Variants in DYNLRB1 observed in about 807,000 individuals in gnomAD.
The protein encoded by DYNLRB1 is ROBL/LC7-like 1.
A neutral mutation model predicts 13.5 loss-of-function variants in DYNLRB1; 6 were observed. The ratio of observed to expected loss-of-function variants is 0.44; its 90% CI spans 0.24 to 0.88. DYNLRB1 has a LOEUF of 0.88. DYNLRB1 is among the 40% of genes least tolerant of loss of function. DYNLRB1 has a pLI of 0.21. For synonymous variants in DYNLRB1, 43 were observed against 45.0 expected (o/e 0.96, Z 0.18); for missense variants, 93 against 127.2 (o/e 0.73, Z 1.29).
At chr20:34,516,866 A>C in intron 1 of DYNLRB1, 1 of 1,531,768 alleles carries the variant, frequency 6.5e-7, no homozygotes, top group South Asian at 1.2e-5. Context: ...GCCTCCTCCC[A>C]GCTCTGTGAG....
chr20:34,530,289 G>C, intron 2 of DYNLRB1: 1 of 1,010,076 alleles, frequency 9.9e-7, no homozygotes, highest in East Asian at 9.1e-5. Context: ...AGCTGAGAAC[G>C]TGGAATGCAG....
intron 2 of DYNLRB1, chr20:34,530,137 G>A: frequency 8.2e-7 from 1 of 1,225,218 alleles, no homozygotes; most frequent in Admixed American, 4.2e-5. Flanking sequence ...GCTTCCACAT[G>A]AACTCACAAA....
intron 1 of DYNLRB1, among the ~76,000 whole-genome samples, chr20:34,519,871 C>T (rs546470623): frequency 1.3e-5 from 2 of 152,220 alleles, no homozygotes; most frequent in East Asian, 3.9e-4. Flanking sequence ...CAATGGCTGA[C>T]GCATATAATC....
At chr20:34,536,411 G>A (rs754404467) in intron 3 of DYNLRB1, 32 of 985,244 alleles carry the variant, frequency 3.2e-5, no homozygotes, top group Non-Finnish European at 3.9e-5. Context: ...CTCCCAGGTT[G>A]TCATGTTGTG....
chr20:34,535,729 G>C lies in DYNLRB1; in HGVS notation c.247+934G>C, dbSNP rs1981093012. On this transcript the variant is annotated intron_variant, in intron 3 of 3. Coordinates refer to ENST00000357156, the MANE Select transcript of DYNLRB1 (RefSeq NM_014183.4). ...TTATCTAGGGCATCAGGATGTGAGT[G>C]GGGAGGAGTGGGAGGTGAGGCTTTG... 5.1e-6 allele frequency: 5 copies of C among 985,292 alleles called. No homozygotes were observed. The South Asian group carries it at 1.9e-4, about 37-fold the overall frequency. 61.0% of individuals were successfully genotyped at this position (985,292 alleles called of 1,614,324 possible). A position where few individuals can be genotyped will look rare whatever the true frequency, so the allele number is the denominator to read the frequency against.
intron 1 of DYNLRB1, among the ~76,000 whole-genome samples, chr20:34,522,456 CTTTT>C (rs1026721523): frequency 1.7e-5 from 2 of 114,656 alleles, no homozygotes; most frequent in African/African-American, 3.2e-5. Context: ...TTCTTTCTTT[CTTTT>C]TTCTTTTTCT....
chr20:34,530,367 C>A, intron 2 of DYNLRB1: 1 of 821,354 alleles, frequency 1.2e-6, no homozygotes, highest in Non-Finnish European at 1.5e-6. Context: ...TGGGCATAAG[C>A]CACTTTCTCT....
At chr20:34,526,445 C>A in intron 2 of DYNLRB1, 102 bp downstream of exon 2, 93 of 828,400 alleles carry the variant, frequency 1.1e-4, no homozygotes, top group Middle Eastern at 2.7e-4. Context: ...TGAATCTGAT[C>A]TAATTTTAGG....
intron 3 of DYNLRB1, chr20:34,535,491 C>T (rs1365318856): frequency 1.3e-6 from 1 of 750,506 alleles, no homozygotes; most frequent in Admixed American, 6.3e-5. Context: ...GGGAGGAGCC[C>T]ACAAGGATGG....
At chr20:34,531,623 A>T (rs1980719845) in intron 2 of DYNLRB1, among the ~76,000 whole-genome samples, 1 of 152,262 alleles carries the variant, frequency 6.6e-6, no homozygotes, top group Non-Finnish European at 1.5e-5. Context: ...TAGTAAAAGT[A>T]GACCCTTTGA....
At chr20:34,527,248 G>A (rs1197368960) in intron 2 of DYNLRB1, among the ~76,000 whole-genome samples, 2 of 152,180 alleles carry the variant, frequency 1.3e-5, no homozygotes, top group African/African-American at 2.4e-5. Flanking sequence ...AGACCCTCAC[G>A]CTCCAGGCAG....
At chr20:34,540,462 T>G in intron 3 of DYNLRB1, 119 bp from the exon 4 acceptor site, 1 of 935,312 alleles carries the variant, frequency 1.1e-6, no homozygotes, top group Non-Finnish European at 1.6e-6. Context: ...GTTGATGCTT[T>G]TTGTTGCTTT....
At chr20:34,528,563 GC>G (rs1337081903) in intron 2 of DYNLRB1, among the ~76,000 whole-genome samples, 2 of 152,120 alleles carry the variant, frequency 1.3e-5, no homozygotes, top group African/African-American at 2.4e-5. Context: ...GTTGCCATCA[GC>G]CCCTTTGATT....
intron 2 of DYNLRB1, among the ~76,000 whole-genome samples, chr20:34,531,522 G>A (rs897412463): frequency 6.6e-6 from 1 of 152,170 alleles, no homozygotes; most frequent in Non-Finnish European, 1.5e-5. Context: ...TTTTTGGAGT[G>A]AGCCAGTAGA....
In DYNLRB1 at chr20:34,540,691, T is replaced by C; in HGVS notation, c.*67T>C. 6.5e-7 allele frequency: 1 copy of C among 1,532,870 alleles called. No individual in the cohort carries two copies. Among genetic ancestry groups the C allele is most frequent in the Non-Finnish European group, 9.0e-7 (1 of 1,109,002 alleles). The allele number at this position is 1,532,870 out of a possible 1,614,324, so 95.0% of individuals were successfully genotyped here. Reference sequence around the variant, plus strand: ...CCCCCAAGAATGTTAATGTCAATCATGTCAGTGGACTAGCACATGGCAGTC... The same window carrying C: ...CCCCCAAGAATGTTAATGTCAATCACGTCAGTGGACTAGCACATGGCAGTC... On this transcript the variant is annotated 3_prime_UTR_variant, in exon 4 of 4. Coordinates refer to ENST00000357156, the MANE Select transcript of DYNLRB1 (RefSeq NM_014183.4).
Position 34,526,253 on chromosome 20 carries a change from C to A in DYNLRB1, c.4-15C>A, listed in dbSNP as rs1416773933. 8 of 1,613,878 alleles carry A rather than the reference C, an allele frequency of 5.0e-6. No homozygotes were observed. The highest frequency in any genetic ancestry group is 5.9e-6 in the Non-Finnish European group (7 of 1,179,954). The stretch of plus-strand genomic sequence containing the variant: ...CCTATCGGCCTCTCCTAACCTTGGT[C>A]TTGTTTTCTGGCAGGCAGAGGTGGA... On this transcript the variant is annotated splice_polypyrimidine_tract_variant and intron_variant, in intron 1 of 3. Coordinates refer to ENST00000357156, the MANE Select transcript of DYNLRB1 (RefSeq NM_014183.4).
At chr20:34,522,468 TC>T (rs1568598390) in intron 1 of DYNLRB1, among the ~76,000 whole-genome samples, 3 of 129,642 alleles carry the variant, frequency 2.3e-5, no homozygotes, top group East Asian at 4.2e-4. Context: ...TTTTTCTTTT[TC>T]TTTTTTTTTT....
At chr20:34,529,603 C>T (rs1358945280) in intron 2 of DYNLRB1, among the ~76,000 whole-genome samples, 1 of 152,016 alleles carries the variant, frequency 6.6e-6, no homozygotes, top group East Asian at 1.9e-4. Context: ...GTGGCGGGCA[C>T]CTGTAATCCC....
chr20:34,526,456 C>G, intron 2 of DYNLRB1, 113 bp downstream of exon 2: 3 of 848,074 alleles, frequency 3.5e-6, no homozygotes, highest in Non-Finnish European at 5.1e-6. Flanking sequence ...TAATTTTAGG[C>G]CTTTTTAATT....
Sources: gnomAD v4.1 joint callset for allele counts (sites outside exome capture counted in the v4.1 genomes callset) on GRCh38, gnomAD v4.1.1 for gene constraint, MANE v1.5 for transcripts, NCBI Gene and HGNC (gene_info 2026-07-23, HGNC 2026-07-21) for gene names.